COL11A1: variants seen among roughly 807,000 people sequenced by gnomAD.
COL11A1 encodes collagen type XI alpha 1 chain.
A neutral mutation model predicts 265.2 loss-of-function variants in COL11A1; 74 were observed. The observed-to-expected ratio is 0.28, with a 90% CI of 0.23 to 0.34. COL11A1 has a LOEUF of 0.34. COL11A1 is among the 10% of genes least tolerant of loss of function. The pLI is 1.00. For synonymous variants in COL11A1, 816 were observed against 727.6 expected, an observed-to-expected ratio of 1.12 and a Z score of -1.96; for missense variants, 2,165 against 2,263.6, an observed-to-expected ratio of 0.96 and a Z score of 0.88.
Position 102,998,355 on chromosome 1 carries a change from T to C in COL11A1, c.2151A>G (p.Gln717=), listed in dbSNP as rs1265360733. The stretch of plus-strand genomic sequence containing the variant: ...GAAGTCCAGCAAGTCCTGGTTTTCC[T>C]TGTGGTCCCTTATAGAGAAAAAAAA... ...PIGPPGEKGP[Q]GKPGLAGLPG... is the part of the protein sequence containing the mutation. The change falls in exon 25 of 67, where the codon CAA becomes CAG. Residue 717 remains glutamine, a synonymous_variant. Coordinates refer to ENST00000370096, the MANE Select transcript of COL11A1 (RefSeq NM_001854.4). 3.7e-6 allele frequency: 6 copies of C among 1,602,136 alleles called. No homozygotes were observed. Among genetic ancestry groups the C allele is most frequent in the Non-Finnish European group, 5.1e-6 (6 of 1,173,458 alleles).
chr1:103,045,225 C>T (rs186975640), intron 4 of COL11A1, among the ~76,000 whole-genome samples: 42 of 152,254 alleles, frequency 2.8e-4, no homozygotes, highest in Admixed American at 5.2e-4. Flanking sequence ...GTCCTGCAGA[C>T]TATTGGAATA....
chr1:102,973,411 C>T (rs1662163547), intron 36 of COL11A1, among the ~76,000 whole-genome samples: 1 of 152,186 alleles, frequency 6.6e-6, no homozygotes, highest in Admixed American at 6.5e-5. Flanking sequence ...AAATGGGTTT[C>T]TTTGACAATG....
intron 57 of COL11A1, among the ~76,000 whole-genome samples, chr1:102,890,900 C>A (rs1336367442): frequency 6.6e-6 from 1 of 151,458 alleles, no homozygotes; most frequent in Non-Finnish European, 1.5e-5. Context: ...TTTGAAAAAA[C>A]TCAATAAACT....
intron 7 of COL11A1, among the ~76,000 whole-genome samples, chr1:103,023,632 C>T (rs1188736202): frequency 6.6e-6 from 1 of 152,138 alleles, no homozygotes; most frequent in East Asian, 1.9e-4. Flanking sequence ...GTTGGGATTA[C>T]ATGTGCGAGC....
chr1:103,093,670 A>G (rs1673506820), intron 1 of COL11A1, among the ~76,000 whole-genome samples: 1 of 152,092 alleles, frequency 6.6e-6, no homozygotes. Context: ...CTTTTTCTGG[A>G]GTGGTTCTGT....
rs986172771 is a variant in COL11A1, at chr1:102,987,875, A to G, written c.2395-135T>C. 15 of 711,518 alleles carry G rather than the reference A, an allele frequency of 2.1e-5. No homozygotes were observed. In the African/African-American group the frequency reaches 2.6e-4, roughly 12 times the overall value. The allele number at this position is 711,518 out of a possible 1,614,324, so 44.1% of individuals were successfully genotyped here. A position where few individuals can be genotyped will look rare whatever the true frequency, so the allele number is the denominator to read the frequency against. Reference sequence around the variant, plus strand: ...GCCTTTTACCTTCAAACTGCCCTTGATCGTTCCTGGGCATGGAGCAAGCTA... The same window carrying G: ...GCCTTTTACCTTCAAACTGCCCTTGGTCGTTCCTGGGCATGGAGCAAGCTA... On this transcript the variant is annotated intron_variant, in intron 29 of 66. Coordinates refer to ENST00000370096, the MANE Select transcript of COL11A1 (RefSeq NM_001854.4).
intron 24 of COL11A1, chr1:103,001,444 A>G (rs899112493): frequency 1.4e-4 from 59 of 410,544 alleles, no homozygotes; most frequent in Non-Finnish European, 1.9e-4. Flanking sequence ...CATGTGTTTA[A>G]TTATAGATTT....
chr1:102,957,145 T>C (rs1229474513), intron 41 of COL11A1, among the ~76,000 whole-genome samples: 5 of 151,960 alleles, frequency 3.3e-5, no homozygotes, highest in Admixed American at 3.3e-4. Flanking sequence ...TAAATCCACT[T>C]CTATGGAGTG....
chr1:102,934,606 T>G (rs1657951246), intron 45 of COL11A1, 50 bp from the exon 46 acceptor site: 1 of 1,383,286 alleles, frequency 7.2e-7, no homozygotes, highest in Admixed American at 1.7e-5. Context: ...ATCATTACGA[T>G]ATGAGTCATT....
intron 4 of COL11A1, among the ~76,000 whole-genome samples, chr1:103,068,832 T>TAAC (rs1671350398): frequency 6.7e-6 from 1 of 148,458 alleles, no homozygotes; most frequent in African/African-American, 2.5e-5. Context: ...ACTCTAGCAC[T>TAAC]AAAAAAAAAT....
intron 7 of COL11A1, among the ~76,000 whole-genome samples, chr1:103,024,522 T>C (rs1046840939): frequency 3.3e-5 from 5 of 152,168 alleles, no homozygotes; most frequent in African/African-American, 1.2e-4. Flanking sequence ...TAATTTTTTT[T>C]GTATTCTTAG....
At chr1:102,898,919 G>T in intron 55 of COL11A1, 22 bp downstream of exon 55, 1 of 1,178,630 alleles carries the variant, frequency 8.5e-7, no homozygotes, top group Non-Finnish European at 1.2e-6. Flanking sequence ...TATATATTAT[G>T]TATATATTAT....
At chr1:102,916,354 G>T (rs1655341272) in intron 49 of COL11A1, among the ~76,000 whole-genome samples, 1 of 152,188 alleles carries the variant, frequency 6.6e-6, no homozygotes, top group South Asian at 2.1e-4. Context: ...AGCTATGAAA[G>T]TCTGTTGCTA....
intron 53 of COL11A1, among the ~76,000 whole-genome samples, chr1:102,912,691 T>C (rs1045645890): frequency 3.3e-5 from 5 of 152,174 alleles, no homozygotes; most frequent in African/African-American, 4.8e-5. Context: ...GAATTGTAGT[T>C]CCTATAATCC....
chr1:102,932,617 T>C (rs2101180926), intron 46 of COL11A1, among the ~76,000 whole-genome samples: 1 of 152,310 alleles, frequency 6.6e-6, no homozygotes, highest in East Asian at 1.9e-4. Flanking sequence ...TCTCTGTATT[T>C]CCTGAATCTG....
chr1:103,078,911 C>T, intron 2 of COL11A1, 40 bp from the exon 3 acceptor site: 1 of 1,396,666 alleles, frequency 7.2e-7, no homozygotes, highest in Non-Finnish European at 1.0e-6. Flanking sequence ...TTTCCAATTT[C>T]CAATTTCTAC....
At chr1:103,093,867 TTTTTAA>T (rs1192184286) in intron 1 of COL11A1, among the ~76,000 whole-genome samples, 1 of 152,096 alleles carries the variant, frequency 6.6e-6, no homozygotes, top group African/African-American at 2.4e-5. Context: ...GTCATAAGGA[TTTTTAA>T]GGCTCACTCA....
chr1:103,058,045 A>C (rs1326146568), intron 4 of COL11A1, among the ~76,000 whole-genome samples: 1 of 152,202 alleles, frequency 6.6e-6, no homozygotes, highest in African/African-American at 2.4e-5. Flanking sequence ...TTCCAACAGA[A>C]GGCTGTTTTG....
chr1:103,068,166 C>T (rs1053232245), intron 4 of COL11A1, among the ~76,000 whole-genome samples: 1 of 151,554 alleles, frequency 6.6e-6, no homozygotes, highest in African/African-American at 2.4e-5. Context: ...TAGTATTCCT[C>T]ATTAATATAG....
Sources: gnomAD v4.1 joint callset for allele counts (sites outside exome capture counted in the v4.1 genomes callset) on GRCh38, gnomAD v4.1.1 for gene constraint, MANE v1.5 for transcripts, NCBI Gene and HGNC (gene_info 2026-07-23, HGNC 2026-07-21) for gene names.